MCC: variants seen among roughly 807,000 people sequenced by gnomAD.
The protein encoded by MCC is MCC regulator of Wnt signaling pathway.
MCC carries 90 observed loss-of-function variants against 116.2 expected under a neutral mutation model. The ratio of observed to expected loss-of-function variants is 0.77; its 90% CI spans 0.65 to 0.92. The LOEUF (loss-of-function observed/expected upper bound fraction) is 0.92. Ranked by LOEUF, MCC falls within the 40% of genes least tolerant of loss-of-function variation. MCC has a pLI of 0.00. For synonymous variants in MCC, 578 were observed against 510.5 expected, an observed-to-expected ratio of 1.13 and a Z score of -1.78; for missense variants, 1,516 against 1,312.2, an observed-to-expected ratio of 1.16 and a Z score of -2.40.
intron 3 of MCC, among the ~76,000 whole-genome samples, chr5:113,159,757 T>C (rs551176030): frequency 1.3e-5 from 2 of 152,326 alleles, no homozygotes; most frequent in South Asian, 4.1e-4. Flanking sequence ...TCAGGCCTGT[T>C]CAGTGACTTC....
intron 1 of MCC, among the ~76,000 whole-genome samples, chr5:113,425,904 A>G (rs2150408939): frequency 6.6e-6 from 1 of 152,174 alleles, no homozygotes; most frequent in African/African-American, 2.4e-5. Context: ...CCAAGGATCT[A>G]TGTCATGGGA....
chr5:113,064,212 C>A (rs1049351935), intron 13 of MCC, 45 bp from the exon 14 acceptor site: 18 of 1,536,482 alleles, frequency 1.2e-5, no homozygotes, highest in Non-Finnish European at 1.6e-5. Context: ...TAGGCCTGGA[C>A]AAGGCACGCC....
At chr5:113,106,838 AC>A (rs1408958104) in intron 6 of MCC, among the ~76,000 whole-genome samples, 2 of 152,196 alleles carry the variant, frequency 1.3e-5, no homozygotes, top group Admixed American at 1.3e-4. Context: ...GACATGAGCC[AC>A]CATGCCTGGC....
At chr5:113,165,181 G>T (rs1359153773) in intron 3 of MCC, among the ~76,000 whole-genome samples, 1 of 152,206 alleles carries the variant, frequency 6.6e-6, no homozygotes, top group African/African-American at 2.4e-5. Context: ...AGACCAGAAT[G>T]AAATCTGGTG....
intron 1 of MCC, among the ~76,000 whole-genome samples, chr5:113,469,458 A>G (rs146535553): frequency 0.2 from 30,759 of 151,906 alleles, 3,555 homozygotes; most frequent in Admixed American, 0.33. Flanking sequence ...GTCATTCAGG[A>G]GCAGGTTGTT....
intron 3 of MCC, among the ~76,000 whole-genome samples, chr5:113,328,181 G>A (rs1767613916): frequency 6.6e-6 from 1 of 152,170 alleles, no homozygotes; most frequent in East Asian, 1.9e-4. Context: ...GGTGGAGAGG[G>A]TTAGGTTTGA....
intron 1 of MCC, among the ~76,000 whole-genome samples, chr5:113,414,726 C>A (rs1770095163): frequency 6.6e-6 from 1 of 152,114 alleles, no homozygotes; most frequent in Non-Finnish European, 1.5e-5. Context: ...TCCAATTTGC[C>A]AGTCTGTGTC....
chr5:113,377,627 A>C (rs1769018799), intron 2 of MCC, among the ~76,000 whole-genome samples: 1 of 152,192 alleles, frequency 6.6e-6, no homozygotes, highest in South Asian at 2.1e-4. Context: ...GAGAAGTATG[A>C]AGAGAAGAAT....
intron 3 of MCC, chr5:113,269,239 G>C: frequency 1.0e-6 from 1 of 985,266 alleles, no homozygotes; most frequent in Non-Finnish European, 1.2e-6. Context: ...TCTCCAGGTG[G>C]GGACTGGGCC....
intron 8 of MCC, among the ~76,000 whole-genome samples, chr5:113,100,625 C>T (rs1051857549): frequency 2.0e-5 from 3 of 152,164 alleles, no homozygotes; most frequent in Non-Finnish European, 2.9e-5. Context: ...GCACACAGCA[C>T]CATGTCTGGC....
chr5:113,133,852 T>C (rs141152640), intron 5 of MCC, among the ~76,000 whole-genome samples: 156 of 152,360 alleles, frequency 1.0e-3, no homozygotes, highest in African/African-American at 3.6e-3. Flanking sequence ...CATTGTGATT[T>C]TGAATACTTT....
rs142260377 is a variant in MCC, at chr5:113,372,452, C to T, written c.415+12516G>A. 9.9e-4 allele frequency among the ~76,000 whole-genome samples: 151 copies of T among 152,264 alleles called. 1 individual carries two copies. In the East Asian group the frequency reaches 0.027, roughly 28 times the overall value. On this transcript the variant is annotated intron_variant, in intron 2 of 18. Coordinates refer to ENST00000408903, the MANE Select transcript of MCC (RefSeq NM_001085377.2). The stretch of plus-strand genomic sequence containing the variant: ...AAGAAATCTAAAATATTTAATACCT[C>T]AGAAATATTTGTGAATCCAGTGACC...
intron 1 of MCC, among the ~76,000 whole-genome samples, chr5:113,486,615 G>A (rs1325734250): frequency 6.6e-6 from 1 of 152,118 alleles, no homozygotes; most frequent in East Asian, 1.9e-4. Flanking sequence ...AGGCCGAGGC[G>A]GGCGGATCAC....
chr5:113,087,072 C>T (rs933603628), intron 8 of MCC, among the ~76,000 whole-genome samples: 1 of 152,222 alleles, frequency 6.6e-6, no homozygotes, highest in East Asian at 1.9e-4. Flanking sequence ...CCGGTGCCAG[C>T]CCTGCCGCCA....
chr5:113,291,498 G>A (rs1766495062), intron 3 of MCC, among the ~76,000 whole-genome samples: 1 of 152,180 alleles, frequency 6.6e-6, no homozygotes, highest in African/African-American at 2.4e-5. Context: ...CAACACCAAT[G>A]AGAGCCATTT....
At chr5:113,290,600 A>G (rs912983393) in intron 3 of MCC, among the ~76,000 whole-genome samples, 4 of 152,228 alleles carry the variant, frequency 2.6e-5, no homozygotes, top group Non-Finnish European at 5.9e-5. Context: ...TCTTCCTTCC[A>G]GATACCTGGG....
In MCC at chr5:113,122,718, G is replaced by A. The variant is rs112464620; in HGVS notation, c.993C>T (p.Pro331=). The A allele has an allele frequency of 2.9e-5, 47 of 1,614,120 alleles. No homozygotes were observed. The African/African-American group carries it at 3.2e-4, about 11-fold the overall frequency. Residue 331 remains proline (P), a synonymous_variant, in exon 6 of 19, where the codon CCC becomes CCT. Transcript: ENST00000408903. ...CAGTAACCATGGTAGACTGGTTTTC[G>A]GGGATAGAGACAGAGGTCTGGTCTT... ...MDQDQTSVSI[P]ENQSTMVTAD...
chr5:113,334,961 A>G (rs1767836034), intron 3 of MCC, among the ~76,000 whole-genome samples: 2 of 151,714 alleles, frequency 1.3e-5, no homozygotes, highest in Non-Finnish European at 2.9e-5. Context: ...CAAAATTCCA[A>G]TATTTTATTT....
At chr5:113,107,663 G>A (rs769991702) in intron 6 of MCC, among the ~76,000 whole-genome samples, 1 of 152,206 alleles carries the variant, frequency 6.6e-6, no homozygotes, top group Non-Finnish European at 1.5e-5. Context: ...CAGAGCTGGT[G>A]TGAATCCGCT....
Sources: allele counts gnomAD v4.1 joint callset (sites outside exome capture counted in the v4.1 genomes callset), GRCh38; gene constraint gnomAD v4.1.1; transcripts MANE v1.5; gene names NCBI Gene and HGNC (gene_info 2026-07-23, HGNC 2026-07-21).